The following USP26 variants were observed in gnomAD, a reference collection of about 807,000 sequenced individuals.
The protein encoded by USP26 is ubiquitin specific peptidase 26.
For synonymous variants in USP26, 236 were observed against 240.6 expected, an observed-to-expected ratio of 0.98 and a Z score of 0.18; for missense variants, 649 against 642.3, an observed-to-expected ratio of 1.01 and a Z score of -0.11.
intron 5 of USP26, among the ~76,000 whole-genome samples, 159 bp from the exon 6 acceptor site, chrX:133,028,455 AG>A (rs1261598832): frequency 8.9e-6 from 1 of 111,833 alleles, no homozygotes; most frequent in Non-Finnish European, 1.9e-5. Context: ...GGCTGCATGA[AG>A]GCAGAGTCTT....
intron 5 of USP26, among the ~76,000 whole-genome samples, chrX:133,046,171 T>C (rs949731027): frequency 5.4e-5 from 6 of 111,648 alleles, no homozygotes; most frequent in African/African-American, 2.0e-4. Flanking sequence ...CAGGGGTTGT[T>C]TGGCCTCACA....
intron 5 of USP26, among the ~76,000 whole-genome samples, chrX:133,040,649 G>A (rs1230760236): frequency 9.0e-6 from 1 of 111,297 alleles, no homozygotes; most frequent in Non-Finnish European, 1.9e-5. Flanking sequence ...CAACCTTGGA[G>A]AATCTGACGA....
intron 5 of USP26, among the ~76,000 whole-genome samples, chrX:133,078,134 C>T (rs1483500318): frequency 9.0e-6 from 1 of 110,587 alleles, no homozygotes; most frequent in Non-Finnish European, 1.9e-5. Flanking sequence ...CTTGCTTGCT[C>T]CTGCTCTTGC....
intron 5 of USP26, among the ~76,000 whole-genome samples, chrX:133,036,110 C>T (rs2067394894): frequency 1.1e-5 from 1 of 94,122 alleles, no homozygotes; most frequent in Non-Finnish European, 2.3e-5. Context: ...GAGCAAGACC[C>T]TCTAAAAAAA....
chrX:133,026,630 C>T lies in USP26; in HGVS notation c.1591G>A (p.Ala531Thr). 8.3e-7 allele frequency: 1 copy of T among 1,207,265 alleles called. No individual in the cohort carries two copies. Among genetic ancestry groups the T allele is most frequent in the Non-Finnish European group, 1.1e-6 (1 of 893,397 alleles). Reference protein sequence around the residue: ...LKRYSLNEFCALKKNDQEVII... With the variant: ...LKRYSLNEFCTLKKNDQEVII... ...ACTTCCTGGTCATTCTTCTTTAATG[C>T]ACAAAACTCATTCAAGCTATAGCGT... Residue 531 changes from alanine to threonine, a missense_variant, in exon 6 of 6, where the codon GCA (alanine) becomes ACA (threonine). By Grantham distance (58) the Ala-to-Thr change is moderately conservative. Transcript: ENST00000511190.
chrX:133,029,167 G>A (rs1265338038), intron 5 of USP26, among the ~76,000 whole-genome samples: 3 of 112,340 alleles, frequency 2.7e-5, no homozygotes, highest in Admixed American at 9.4e-5. Flanking sequence ...ACAAATGTTT[G>A]CATCAGAAAG....
intron 1 of USP26, 39 bp downstream of exon 1, chrX:133,096,991 C>T (rs192769313): frequency 8.8e-6 from 1 of 113,051 alleles, no homozygotes; most frequent in East Asian, 2.8e-4. Flanking sequence ...ATATCTAACT[C>T]TCAATAACTA....
Position 133,025,968 on chromosome X carries a change from G to T in USP26, c.2253C>A (p.Ala751=), listed in dbSNP as rs769946656. 6.6e-6 allele frequency: 8 copies of T among 1,211,083 alleles called. No homozygotes were observed. In the South Asian group the frequency reaches 1.4e-4, roughly 21 times the overall value. The part of the protein sequence containing the change: ...QCDGMRICEQ[A]PQQALPQSFP... ...AGCTTTGAGGCAGTGCCTGCTGAGG[G>T]GCTTGTTCACAGATTCTCATACCGT... The change falls in exon 6 of 6, where the codon GCC becomes GCA. Residue 751 remains alanine (A), a synonymous_variant. Coordinates refer to ENST00000511190, the MANE Select transcript of USP26 (RefSeq NM_031907.3).
At chrX:133,079,278 G>A (rs772685988) in intron 5 of USP26, among the ~76,000 whole-genome samples, 24 of 111,612 alleles carry the variant, frequency 2.2e-4, no homozygotes, top group Admixed American at 1.3e-3. Context: ...AGATTATTCC[G>A]GTGGCATTTT....
chrX:133,040,894 C>G (rs1602972481), intron 5 of USP26, among the ~76,000 whole-genome samples: 2 of 110,577 alleles, frequency 1.8e-5, no homozygotes, highest in Non-Finnish European at 3.8e-5. Context: ...TTTGTTCCTT[C>G]TCATTCTTTT....
chrX:133,094,499 C>T (rs144578946), intron 1 of USP26, among the ~76,000 whole-genome samples: 3,198 of 109,634 alleles, frequency 0.029, 71 homozygotes, highest in East Asian at 0.1. Flanking sequence ...CACAACTATA[C>T]TGTACAATAA....
chrX:133,027,191 G>A lies in USP26; in HGVS notation c.1030C>T (p.Arg344Trp), dbSNP rs764088622. The A allele has an allele frequency of 6.2e-5, 75 of 1,207,469 alleles. No homozygotes were observed. Among genetic ancestry groups the A allele is most frequent in the East Asian group, 5.0e-4 (17 of 33,704 alleles). Residue 344 changes from arginine to tryptophan, a missense_variant, in exon 6 of 6, where the codon CGG (arginine) becomes TGG (tryptophan). Physicochemically the swap from Arg to Trp is moderately radical, Grantham distance 101. Coordinates refer to ENST00000511190, the MANE Select transcript of USP26 (RefSeq NM_031907.3). ...PLNALTMCLARLLFFKDTYNI... is the reference protein window; with the variant it reads ...PLNALTMCLAWLLFFKDTYNI... ...TAGGTATCTTTAAAAAAAAGTAGCC[G>A]TGCCAAGCACATGGTAAGAGCATTA...
At chrX:133,028,643 T>G (rs1445894920) in intron 5 of USP26, among the ~76,000 whole-genome samples, 1 of 112,230 alleles carries the variant, frequency 8.9e-6, no homozygotes, top group Non-Finnish European at 1.9e-5. Flanking sequence ...CATGAAACAC[T>G]TGGAAGACTT....
intron 5 of USP26, among the ~76,000 whole-genome samples, chrX:133,062,914 G>A (rs978203342): frequency 4.5e-5 from 5 of 111,010 alleles, no homozygotes; most frequent in Non-Finnish European, 9.4e-5. Context: ...CAGAGGGCGG[G>A]TAATAACAAA....
intron 5 of USP26, among the ~76,000 whole-genome samples, chrX:133,062,920 A>G (rs2067498332): frequency 9.0e-6 from 1 of 111,167 alleles, no homozygotes; most frequent in Non-Finnish European, 1.9e-5. Flanking sequence ...GCGGGTAATA[A>G]CAAACTCCTC....
At chrX:133,063,315 A>C in intron 5 of USP26, among the ~76,000 whole-genome samples, 1 of 111,625 alleles carries the variant, frequency 9.0e-6, no homozygotes, top group Non-Finnish European at 1.9e-5. Context: ...TCAGGATATT[A>C]TCACGGAAAA....
chrX:133,056,740 C>T (rs771741520), intron 5 of USP26, among the ~76,000 whole-genome samples: 16 of 111,941 alleles, frequency 1.4e-4, no homozygotes, highest in Non-Finnish European at 2.3e-4. Flanking sequence ...TTACTACCAA[C>T]GGCCCATTTC....
intron 5 of USP26, among the ~76,000 whole-genome samples, chrX:133,041,184 T>C (rs1208339324): frequency 9.0e-6 from 1 of 111,229 alleles, no homozygotes; most frequent in Non-Finnish European, 1.9e-5. Context: ...TTCTGAAGAC[T>C]ACTTCTGCCA....
At chrX:133,055,742 T>A (rs746187800) in intron 5 of USP26, among the ~76,000 whole-genome samples, 1 of 111,749 alleles carries the variant, frequency 8.9e-6, no homozygotes, top group South Asian at 3.9e-4. Context: ...TTGTTTCTGG[T>A]GAGGCCTCTC....
Sources: gnomAD v4.1 joint callset for allele counts (sites outside exome capture counted in the v4.1 genomes callset) on GRCh38, gnomAD v4.1.1 for gene constraint, MANE v1.5 for transcripts, NCBI Gene and HGNC (gene_info 2026-07-23, HGNC 2026-07-21) for gene names.